Variants in CTNNA2 observed in about 807,000 individuals in gnomAD.
The protein encoded by CTNNA2 is catenin alpha-2.
In CTNNA2, 42 loss-of-function variants were observed where a neutral mutation model predicts 101.0. That is an observed-to-expected ratio of 0.42 (90% CI 0.32 to 0.54). The LOEUF is 0.54. Among genes scored for constraint, CTNNA2 ranks in the 20% least tolerant of loss-of-function variants. The pLI, the probability that CTNNA2 is intolerant of heterozygous loss-of-function variation, is 0.14. For synonymous variants in CTNNA2, 450 were observed against 456.4 expected (o/e 0.99, Z 0.18); for missense variants, 871 against 1,223.1 (o/e 0.71, Z 4.29).
At chr2:80,597,406 A>T (rs1558629021) in intron 15 of CTNNA2, among the ~76,000 whole-genome samples, 1 of 152,216 alleles carries the variant, frequency 6.6e-6, no homozygotes, top group Non-Finnish European at 1.5e-5. Context: ...TTCAGGACAT[A>T]GGCGTGGGCA....
chr2:79,528,913 C>T (rs1672575893), intron 1 of CTNNA2, among the ~76,000 whole-genome samples: 1 of 151,886 alleles, frequency 6.6e-6, no homozygotes, highest in Admixed American at 6.6e-5. Flanking sequence ...TGGTATATAG[C>T]GGGAAAGTGC....
chr2:79,306,371 AT>A (rs1184483989), intron 2 of CTNNA2, among the ~76,000 whole-genome samples: 1 of 152,250 alleles, frequency 6.6e-6, no homozygotes, highest in Non-Finnish European at 1.5e-5. Context: ...GTCACAAAAA[AT>A]GTATGTAAAT....
intron 7 of CTNNA2, among the ~76,000 whole-genome samples, chr2:79,994,324 G>T (rs553055525): frequency 1.3e-5 from 2 of 152,184 alleles, no homozygotes; most frequent in African/African-American, 4.8e-5. Flanking sequence ...AGTACTAAAT[G>T]TGGTAAACCA....
intron 3 of CTNNA2, among the ~76,000 whole-genome samples, chr2:79,313,472 G>A (rs929835580): frequency 1.3e-5 from 2 of 152,168 alleles, no homozygotes; most frequent in Non-Finnish European, 2.9e-5. Flanking sequence ...CTTTTAGGTA[G>A]TTGTGGAAAT....
chr2:79,892,426 C>A (rs1368908), intron 6 of CTNNA2, among the ~76,000 whole-genome samples: 36,435 of 151,306 alleles, frequency 0.24, 4,829 homozygotes, highest in African/African-American at 0.33. Context: ...TAAAAAAAAA[C>A]CCCACAAAAT....
intron 4 of CTNNA2, among the ~76,000 whole-genome samples, chr2:79,408,401 C>G (rs1243365999): frequency 3.3e-5 from 5 of 150,476 alleles, no homozygotes; most frequent in Non-Finnish European, 5.9e-5. Flanking sequence ...TGTGCTGCAC[C>G]CATTAACTCG....
At chr2:79,246,389 T>C (rs1674700544) in intron 2 of CTNNA2, among the ~76,000 whole-genome samples, 1 of 152,210 alleles carries the variant, frequency 6.6e-6, no homozygotes, top group Admixed American at 6.5e-5. Flanking sequence ...CCTTTCATTT[T>C]CTGTATTTTG....
At chr2:80,236,722 C>T (rs893898058) in intron 7 of CTNNA2, among the ~76,000 whole-genome samples, 1 of 152,132 alleles carries the variant, frequency 6.6e-6, no homozygotes, top group African/African-American at 2.4e-5. Flanking sequence ...ATTTATCTGT[C>T]AAGGAGCCTT....
chr2:79,390,562 A>G (rs1368120840), intron 4 of CTNNA2, among the ~76,000 whole-genome samples: 1 of 152,188 alleles, frequency 6.6e-6, no homozygotes, highest in African/African-American at 2.4e-5. Context: ...CACTTGTCAC[A>G]CACAGCTTGA....
At chr2:79,742,567 A>C (rs1481644764) in intron 2 of CTNNA2, among the ~76,000 whole-genome samples, 2 of 152,118 alleles carry the variant, frequency 1.3e-5, no homozygotes, top group Non-Finnish European at 2.9e-5. Flanking sequence ...TAACATGTTC[A>C]TGTGTTAGAG....
intron 1 of CTNNA2, among the ~76,000 whole-genome samples, chr2:79,650,334 A>G (rs1681139270): frequency 6.6e-6 from 1 of 152,150 alleles, no homozygotes; most frequent in South Asian, 2.1e-4. Context: ...AAATGTAGTG[A>G]GTAATCAGAG....
chr2:80,416,099 T>A (rs1171493160), intron 8 of CTNNA2, among the ~76,000 whole-genome samples: 1 of 152,018 alleles, frequency 6.6e-6, no homozygotes, highest in Non-Finnish European at 1.5e-5. Context: ...GTACAAACTT[T>A]AAGTTATACA....
At chr2:80,047,394 A>G (rs1696600710) in intron 7 of CTNNA2, among the ~76,000 whole-genome samples, 1 of 152,214 alleles carries the variant, frequency 6.6e-6, no homozygotes, top group Non-Finnish European at 1.5e-5. Flanking sequence ...ACTATAGGAG[A>G]GCACTGATGT....
At chr2:79,508,563 A>G (rs1671461885), upstream of CTNNA2, among the ~76,000 whole-genome samples, 1 of 152,170 alleles carries the variant, frequency 6.6e-6, no homozygotes, top group African/African-American at 2.4e-5. Flanking sequence ...TGATAGAAAC[A>G]GATTCAAATT....
chr2:79,439,822 G>T (rs1678757826), intron 4 of CTNNA2, among the ~76,000 whole-genome samples: 1 of 152,144 alleles, frequency 6.6e-6, no homozygotes, highest in South Asian at 2.1e-4. Flanking sequence ...AATTCTGAAA[G>T]TTGGGTGGGG....
intron 7 of CTNNA2, among the ~76,000 whole-genome samples, chr2:80,159,228 AT>A (rs1200018644): frequency 2.6e-5 from 4 of 152,150 alleles, no homozygotes; most frequent in African/African-American, 9.7e-5. Flanking sequence ...TTAGAGCAAA[AT>A]TTCAGGTTCA....
At chr2:80,260,153 A>T (rs566226031) in intron 7 of CTNNA2, among the ~76,000 whole-genome samples, 84 of 152,294 alleles carry the variant, frequency 5.5e-4, no homozygotes, top group African/African-American at 2.0e-3. Context: ...ATTATGTGGC[A>T]AATCCAGTAT....
chr2:79,712,414 A>G (rs1481181886), intron 2 of CTNNA2, among the ~76,000 whole-genome samples: 1 of 152,210 alleles, frequency 6.6e-6, no homozygotes, highest in Non-Finnish European at 1.5e-5. Context: ...ACAGCTGTGC[A>G]GCTTTAGAAA....
At chr2:80,475,149 C>T (rs958105152) in intron 9 of CTNNA2, among the ~76,000 whole-genome samples, 6 of 152,164 alleles carry the variant, frequency 3.9e-5, no homozygotes, top group Non-Finnish European at 8.8e-5. Context: ...AATAACTTAA[C>T]GATCTCATTC....
Sources: gnomAD v4.1 joint callset for allele counts (sites outside exome capture counted in the v4.1 genomes callset) on GRCh38, gnomAD v4.1.1 for gene constraint, MANE v1.5 for transcripts, NCBI Gene and HGNC (gene_info 2026-07-23, HGNC 2026-07-21) for gene names.